SNX30: variants seen among roughly 807,000 people sequenced by gnomAD.
SNX30 encodes sorting nexin-30.
A neutral mutation model predicts 46.4 loss-of-function variants in SNX30; 24 were observed. That is an observed-to-expected ratio of 0.52 (90% CI 0.37 to 0.73). SNX30 has a LOEUF of 0.73. Among genes scored for constraint, SNX30 ranks in the 30% least tolerant of loss-of-function variants. The pLI is 0.00. For synonymous variants in SNX30, 189 were observed against 211.5 expected, an observed-to-expected ratio of 0.89 and a Z score of 0.92; for missense variants, 533 against 555.7, an observed-to-expected ratio of 0.96 and a Z score of 0.41.
At chr9:112,876,694 T>C (rs1841520924), downstream of SNX30, among the ~76,000 whole-genome samples, 1 of 151,876 alleles carries the variant, frequency 6.6e-6, no homozygotes, top group Admixed American at 6.6e-5. Flanking sequence ...CCCAGCACTT[T>C]GGGAGGTCGA....
At chr9:112,758,110 C>T (rs1421235075) in intron 1 of SNX30, among the ~76,000 whole-genome samples, 1 of 152,154 alleles carries the variant, frequency 6.6e-6, no homozygotes, top group Non-Finnish European at 1.5e-5. Context: ...AGGAACTTCC[C>T]TTCTTCAAAT....
At chr9:112,777,802 A>G (rs951390513) in intron 1 of SNX30, among the ~76,000 whole-genome samples, 1 of 152,020 alleles carries the variant, frequency 6.6e-6, no homozygotes, top group Non-Finnish European at 1.5e-5. Context: ...AGTGGTTGCT[A>G]TGTGCCACGC....
At chr9:112,868,413 C>T (rs1456038201) in intron 8 of SNX30, among the ~76,000 whole-genome samples, 2 of 152,192 alleles carry the variant, frequency 1.3e-5, no homozygotes, top group Non-Finnish European at 2.9e-5. Flanking sequence ...GGAGCAGTGT[C>T]TCCATCCCTG....
chr9:112,816,471 T>C (rs1257223371), intron 2 of SNX30, among the ~76,000 whole-genome samples: 1 of 152,218 alleles, frequency 6.6e-6, no homozygotes, highest in East Asian at 1.9e-4. Flanking sequence ...TCTTCACCCT[T>C]GCAAACACAG....
intron 1 of SNX30, among the ~76,000 whole-genome samples, chr9:112,763,163 T>C (rs1207910950): frequency 7.1e-6 from 1 of 141,410 alleles, no homozygotes; most frequent in Non-Finnish European, 1.6e-5. Flanking sequence ...CTACAGTTTA[T>C]ATATGTATAT....
intron 1 of SNX30, among the ~76,000 whole-genome samples, chr9:112,761,509 G>A (rs1350058769): frequency 5.9e-5 from 9 of 152,100 alleles, no homozygotes; most frequent in Non-Finnish European, 1.2e-4. Flanking sequence ...GGCTTGGGAT[G>A]GGGAAAGACC....
intron 2 of SNX30, among the ~76,000 whole-genome samples, chr9:112,807,111 A>T (rs1206486254): frequency 6.2e-5 from 7 of 112,444 alleles, no homozygotes; most frequent in African/African-American, 2.5e-4. Flanking sequence ...GTCGCCCAGG[A>T]TGGAGTGTAG....
At chr9:112,823,926 A>C (rs992798087) in intron 3 of SNX30, among the ~76,000 whole-genome samples, 1 of 152,192 alleles carries the variant, frequency 6.6e-6, no homozygotes, top group Admixed American at 6.5e-5. Context: ...CAAGCTTTTA[A>C]TCTCTATGCT....
intron 1 of SNX30, among the ~76,000 whole-genome samples, chr9:112,751,557 CA>C (rs956752850): frequency 1.3e-5 from 2 of 152,238 alleles, no homozygotes; most frequent in African/African-American, 4.8e-5. Context: ...GCACAGAAAG[CA>C]GGAGTTCCTG....
chr9:112,770,362 G>A (rs1261866122), intron 1 of SNX30, among the ~76,000 whole-genome samples: 1 of 151,776 alleles, frequency 6.6e-6, no homozygotes, highest in South Asian at 2.1e-4. Flanking sequence ...TAGTAGAGAT[G>A]GGGTTTCACC....
intron 3 of SNX30, among the ~76,000 whole-genome samples, chr9:112,830,441 T>A (rs1389496678): frequency 6.6e-6 from 1 of 152,058 alleles, no homozygotes; most frequent in African/African-American, 2.4e-5. Flanking sequence ...CACGTGTACA[T>A]CAAGCAATGT....
downstream of SNX30, among the ~76,000 whole-genome samples, chr9:112,876,290 C>T (rs1438442693): frequency 1.3e-5 from 2 of 151,784 alleles, no homozygotes; most frequent in Admixed American, 6.6e-5. Flanking sequence ...GATTTGGAGG[C>T]GATGCCATTA....
Position 112,869,802 on chromosome 9 carries a change from C to T in SNX30, c.*959C>T, listed in dbSNP as rs1841417524. 1 of 152,054 alleles carries T rather than the reference C, an allele frequency of 6.6e-6. No homozygotes were observed. Among genetic ancestry groups the T allele is most frequent in the African/African-American group, 2.4e-5 (1 of 41,390 alleles). 9.4% of individuals were successfully genotyped at this position (152,054 alleles called of 1,614,324 possible). ...CTTTGTGCAATTTGCCTTTACCTCA[C>T]CAAAAATACCTACTTTAATATTTCC... On this transcript the variant is annotated 3_prime_UTR_variant, in exon 9 of 9. Coordinates refer to ENST00000374232, the MANE Select transcript of SNX30 (RefSeq NM_001012994.2).
intron 1 of SNX30, among the ~76,000 whole-genome samples, chr9:112,770,637 C>T (rs900984210): frequency 6.6e-6 from 1 of 152,130 alleles, no homozygotes; most frequent in Non-Finnish European, 1.5e-5. Flanking sequence ...CGCCTTTTGG[C>T]CCAGACAGCC....
At chr9:112,885,639 A>G (rs1331054068), downstream of SNX30, 5 of 152,194 alleles carry the variant, frequency 3.3e-5, no homozygotes, top group Admixed American at 1.3e-4. Context: ...AGTGTAAAAT[A>G]CATACTGGAT....
chr9:112,836,241 A>G lies in SNX30; in HGVS notation c.646A>G (p.Ile216Val). The change falls in exon 5 of 9, where the codon ATA (isoleucine) becomes GTA (valine). Residue 216 changes from isoleucine to valine, a missense_variant. By Grantham distance (29) the Ile-to-Val change is conservative. Around this residue, in one of 3 missense-constraint regions of SNX30, gnomAD observed 81 missense variants for 124.4 expected, o/e 0.65. Transcript: ENST00000374232. ...KDLNAYKKQG[I>V]ALLTRMGESV... ...CCTGAACGCCTACAAGAAGCAAGGG[A>G]TAGCATTGCTGACCAGAATGGGCGA... 1 of 1,605,608 alleles carries G rather than the reference A, an allele frequency of 6.2e-7. No individual in the cohort carries two copies. Among genetic ancestry groups the G allele is most frequent in the Non-Finnish European group, 8.5e-7 (1 of 1,172,738 alleles).
intron 4 of SNX30, among the ~76,000 whole-genome samples, chr9:112,831,737 G>C (rs1038683171): frequency 6.6e-6 from 1 of 152,252 alleles, no homozygotes; most frequent in Non-Finnish European, 1.5e-5. Flanking sequence ...ACAGTTGCCA[G>C]ATTCTGTGTA....
At position 112,827,738 on chromosome 9, in the gene SNX30, G is replaced by A. The variant is rs182338929; in HGVS notation, c.460-2987G>A. On this transcript the variant is annotated intron_variant, in intron 3 of 8. Coordinates refer to ENST00000374232, the MANE Select transcript of SNX30 (RefSeq NM_001012994.2). ...ATCCTCTTTATTGCCATATTATGGG[G>A]GTTTGAGGAGGTTGTGGAGTTAAAT... 1.7e-4 allele frequency among the ~76,000 whole-genome samples: 26 copies of A among 152,244 alleles called. No individual in the cohort carries two copies. The East Asian group carries it at 4.8e-3, about 28-fold the overall frequency.
At chr9:112,879,501 C>T (rs972597146), downstream of SNX30, 8 of 447,546 alleles carry the variant, frequency 1.8e-5, no homozygotes, top group African/African-American at 1.4e-4. Context: ...CCCTTAAGGT[C>T]ATGCTCTGCT....
Sources: allele counts gnomAD v4.1 joint callset (sites outside exome capture counted in the v4.1 genomes callset), GRCh38; gene constraint gnomAD v4.1.1; regional missense constraint gnomAD v4.1.1; transcripts MANE v1.5; gene names NCBI Gene and HGNC (gene_info 2026-07-23, HGNC 2026-07-21).